CCDC181: variants seen among roughly 807,000 people sequenced by gnomAD.
CCDC181 encodes the protein coiled-coil domain containing 181, also known as coiled-coil domain-containing protein 181.
A neutral mutation model predicts 58.7 loss-of-function variants in CCDC181; 35 were observed. The ratio of observed to expected loss-of-function variants is 0.60; its 90% CI spans 0.46 to 0.79. The LOEUF (loss-of-function observed/expected upper bound fraction) is 0.79, where lower values mean the gene tolerates loss of function less well. Ranked by LOEUF, CCDC181 falls within the 30% of genes least tolerant of loss-of-function variation. The pLI, the probability that CCDC181 is intolerant of heterozygous loss-of-function variation, is 0.00. For synonymous variants in CCDC181, 183 were observed against 197.5 expected, an observed-to-expected ratio of 0.93 and a Z score of 0.62; for missense variants, 517 against 583.9, an observed-to-expected ratio of 0.89 and a Z score of 1.18.
intron 2 of CCDC181, among the ~76,000 whole-genome samples, chr1:169,437,196 G>C (rs192590580): frequency 6.6e-6 from 1 of 152,292 alleles, no homozygotes; most frequent in African/African-American, 2.4e-5. Context: ...GGGGCCACAA[G>C]ATCAGATGAG....
At chr1:169,401,556 C>T (rs1392148856) in intron 4 of CCDC181, among the ~76,000 whole-genome samples, 1 of 152,188 alleles carries the variant, frequency 6.6e-6, no homozygotes, top group Non-Finnish European at 1.5e-5. Flanking sequence ...AGTGGACCTC[C>T]AGCAAACTCC....
At chr1:169,443,076 C>CA (rs1657280466) in intron 2 of CCDC181, 1 of 151,384 alleles carries the variant, frequency 6.6e-6, no homozygotes, top group African/African-American at 2.4e-5. Flanking sequence ...GCCTAACTAT[C>CA]AAAAAACTCA....
At chr1:169,395,452 T>C (rs1654966130) in intron 5 of CCDC181, among the ~76,000 whole-genome samples, 1 of 152,218 alleles carries the variant, frequency 6.6e-6, no homozygotes, top group South Asian at 2.1e-4. Context: ...GCCAACTTAA[T>C]TGGTTTTTTA....
chr1:169,407,684 A>G (rs909060508), intron 4 of CCDC181, among the ~76,000 whole-genome samples: 1 of 152,188 alleles, frequency 6.6e-6, no homozygotes, highest in Non-Finnish European at 1.5e-5. Context: ...TCCCAGTGAG[A>G]CCAACACAGA....
chr1:169,418,925 C>CTA, intron 4 of CCDC181, 88 bp downstream of exon 4: 1 of 1,051,170 alleles, frequency 9.5e-7, no homozygotes, highest in Non-Finnish European at 1.4e-6. Context: ...CTTCCATAGG[C>CTA]TGTTAGTCTG....
chr1:169,414,103 C>A (rs1571482389), intron 4 of CCDC181, among the ~76,000 whole-genome samples: 1 of 152,056 alleles, frequency 6.6e-6, no homozygotes, highest in Non-Finnish European at 1.5e-5. Flanking sequence ...GACGTCTGCA[C>A]AAGCCATTTT....
Position 169,422,084 on chromosome 1 carries a change from T to G in CCDC181, c.347A>C (p.Glu116Ala). 1 of 1,613,582 alleles carries G rather than the reference T, an allele frequency of 6.2e-7. No individual in the cohort carries two copies. The highest frequency in any genetic ancestry group is 8.5e-7 in the Non-Finnish European group (1 of 1,179,712). The change falls in exon 3 of 6, where the codon GAG becomes GCG. Residue 116 changes from glutamate to alanine, a missense_variant. By Grantham distance (107) the Glu-to-Ala change is moderately radical (BLOSUM62 -1). Coordinates refer to ENST00000367806, the MANE Select transcript of CCDC181 (RefSeq NM_001300969.2). ...CCTTACTTCCTCATCCTCTTCCTCC[T>G]CCAAGTCTTTCTGGCTTTCTAGTTT... The part of the protein sequence containing the change: ...ESKLESQKDL[E>A]EEEDEEVRRY...
intron 4 of CCDC181, among the ~76,000 whole-genome samples, chr1:169,399,499 T>A (rs1411884989): frequency 6.6e-6 from 1 of 152,184 alleles, no homozygotes; most frequent in Non-Finnish European, 1.5e-5. Flanking sequence ...ATAGACTGCA[T>A]TGGTATGCAA....
At position 169,417,476 on chromosome 1, in the gene CCDC181, T is replaced by C. The variant is rs1477166028; in HGVS notation, c.1215+1537A>G. Among the ~76,000 whole-genome samples, 4 of 152,098 alleles carry C rather than the reference T, an allele frequency of 2.6e-5. No individual in the cohort carries two copies. The East Asian group carries it at 7.7e-4, about 29-fold the overall frequency. ...AAGTATTTGGGAAGGGGTGTGAAGC[T>C]TCCATGCCCTCTTGGGGGCACACCA... On this transcript the variant is annotated intron_variant, in intron 4 of 5. Transcript: ENST00000367806.
At chr1:169,418,390 AAT>A (rs1471842185) in intron 4 of CCDC181, among the ~76,000 whole-genome samples, 1 of 152,156 alleles carries the variant, frequency 6.6e-6, no homozygotes, top group Non-Finnish European at 1.5e-5. Context: ...TTGACATGTA[AAT>A]ATATAAATAT....
chr1:169,408,293 T>G (rs533195904), intron 4 of CCDC181, among the ~76,000 whole-genome samples: 1 of 152,158 alleles, frequency 6.6e-6, no homozygotes, highest in Non-Finnish European at 1.5e-5. Flanking sequence ...AGCCAGGAAG[T>G]TGGAACTGGG....
intron 4 of CCDC181, among the ~76,000 whole-genome samples, chr1:169,413,677 T>C (rs2102071885): frequency 6.6e-6 from 1 of 152,258 alleles, no homozygotes; most frequent in Middle Eastern, 3.4e-3. Flanking sequence ...TACCATGGAA[T>C]AGTATGCAGC....
intron 2 of CCDC181, among the ~76,000 whole-genome samples, chr1:169,436,716 A>G (rs1478002522): frequency 6.6e-6 from 1 of 152,198 alleles, no homozygotes; most frequent in Non-Finnish European, 1.5e-5. Context: ...GGTTGATTTC[A>G]CTATTACCTC....
chr1:169,419,123 TTTTTTC>T lies in CCDC181; in HGVS notation c.1099_1104del (p.Glu367_Lys368del), dbSNP rs746318278. The T allele has an allele frequency of 6.2e-7, 1 of 1,608,496 alleles. No homozygotes were observed. The highest frequency in any genetic ancestry group is 1.7e-5 in the Admixed American group (1 of 59,132). On this transcript the variant is annotated inframe_deletion, in exon 4 of 6. Coordinates refer to ENST00000367806, the MANE Select transcript of CCDC181 (RefSeq NM_001300969.2). ...TTAAATACTATGTCATTCTCTCTCTTTTTTTCTTTCTCTTCTTCTATTTTTCGTCGC... is the reference window on the plus strand; with the variant it reads ...TTAAATACTATGTCATTCTCTCTCTTTTTCTCTTCTTCTATTTTTCGTCGC...
rs1654924285 is a variant in CCDC181, at chr1:169,394,884, G to GA, written c.*162dup. On this transcript the variant is annotated 3_prime_UTR_variant, in exon 6 of 6. Transcript: ENST00000367806. ...GGCACAACACATTACAACACTGTGA[G>GA]AAAAAAATTTATTTTGTTCTAGTAT... The GA allele has an allele frequency of 3.4e-5, 20 of 586,388 alleles. No homozygotes were observed. The South Asian group carries it at 3.4e-4, about 10-fold the overall frequency. 36.3% of individuals were successfully genotyped at this position (586,388 alleles called of 1,614,324 possible).
At chr1:169,409,970 G>T (rs1655873915) in intron 4 of CCDC181, among the ~76,000 whole-genome samples, 1 of 152,234 alleles carries the variant, frequency 6.6e-6, no homozygotes, top group East Asian at 1.9e-4. Flanking sequence ...TGAAGAAACT[G>T]CATCAACTAA....
chr1:169,404,778 C>G (rs577272496), intron 4 of CCDC181, among the ~76,000 whole-genome samples: 9 of 152,308 alleles, frequency 5.9e-5, no homozygotes, highest in Non-Finnish European at 1.0e-4. Flanking sequence ...CTCGCCACTC[C>G]TATTCAACAT....
rs189193696 is a variant in CCDC181 at position 169,415,567 on chromosome 1, G to A, written c.1215+3446C>T. ...TTTTCTACCATACTTCAAGTACTTCGGTGGTCAGACAAATAAATTAATATT... is the reference window on the plus strand; with the variant it reads ...TTTTCTACCATACTTCAAGTACTTCAGTGGTCAGACAAATAAATTAATATT... On this transcript the variant is annotated intron_variant, in intron 4 of 5. Transcript: ENST00000367806. Among the ~76,000 whole-genome samples the A allele has an allele frequency of 1.9e-3, 293 of 152,116 alleles. 2 individuals carry two copies. The highest frequency in any genetic ancestry group is 6.9e-3 in the African/African-American group (287 of 41,494).
At chr1:169,422,463 C>T (rs1354585982) in intron 2 of CCDC181, 150 bp from the exon 3 acceptor site, 2 of 548,254 alleles carry the variant, frequency 3.6e-6, no homozygotes, top group African/African-American at 3.7e-5. Context: ...CATTCTAATT[C>T]ATACTTATGA....
Sources: gnomAD v4.1 joint callset for allele counts (sites outside exome capture counted in the v4.1 genomes callset) on GRCh38, gnomAD v4.1.1 for gene constraint, MANE v1.5 for transcripts, NCBI Gene and HGNC (gene_info 2026-07-23, HGNC 2026-07-21) for gene names.